The following TIPIN variants were observed in gnomAD, a reference collection of about 807,000 sequenced individuals.
TIPIN encodes the protein TIMELESS interacting protein.
In TIPIN, 29 loss-of-function variants were observed where a neutral mutation model predicts 35.6. The observed-to-expected ratio is 0.82, with a 90% confidence interval of 0.61 to 1.11. The LOEUF is 1.11. TIPIN is among the 50% of genes most tolerant of loss of function. The pLI is 0.00. For synonymous variants in TIPIN, 102 were observed against 121.5 expected (o/e 0.84, Z 1.06); for missense variants, 296 against 345.4 (o/e 0.86, Z 1.13).
At chr15:66,379,437 A>C (rs1053866113) in intron 1 of TIPIN, 28 of 1,604,114 alleles carry the variant, frequency 1.7e-5, no homozygotes, top group Non-Finnish European at 2.3e-5. Flanking sequence ...TTGCTGAATC[A>C]AAGCCGCTGA....
upstream of TIPIN, chr15:66,356,861 G>A: frequency 6.1e-6 from 2 of 328,430 alleles, no homozygotes; most frequent in Non-Finnish European, 8.7e-6. Context: ...TTCTTCAGAG[G>A]AACTCAGTTA....
At chr15:66,356,959 C>T (rs183166859), upstream of TIPIN, among the ~76,000 whole-genome samples, 62 of 151,962 alleles carry the variant, frequency 4.1e-4, no homozygotes, top group East Asian at 7.2e-3. Context: ...CTCTATCACT[C>T]AGGCTGGAGA....
At chr15:66,380,698 C>T (rs111833883) in intron 1 of TIPIN, among the ~76,000 whole-genome samples, 1 of 151,608 alleles carries the variant, frequency 6.6e-6, no homozygotes, top group African/African-American at 2.4e-5. Context: ...GCCTGTAATG[C>T]CAGCTACTCA....
intron 1 of TIPIN, among the ~76,000 whole-genome samples, chr15:66,385,430 T>C (rs1350729268): frequency 1.3e-5 from 2 of 152,232 alleles, no homozygotes; most frequent in African/African-American, 2.4e-5. Flanking sequence ...GTGCCTCTTA[T>C]TAAGCTCTTT....
chr15:66,357,489 G>A (rs921425033), upstream of TIPIN, among the ~76,000 whole-genome samples: 1 of 151,358 alleles, frequency 6.6e-6, no homozygotes, highest in Non-Finnish European at 1.5e-5. Flanking sequence ...GGGAGGCCCA[G>A]GCAGGCGAAT....
chr15:66,383,160 A>G (rs1392079515), intron 1 of TIPIN, among the ~76,000 whole-genome samples: 3 of 152,216 alleles, frequency 2.0e-5, no homozygotes, highest in Non-Finnish European at 2.9e-5. Flanking sequence ...GAAAATTTCA[A>G]TTAATTGCTC....
chr15:66,344,160 T>C (rs2093107134), intron 6 of TIPIN, among the ~76,000 whole-genome samples: 1 of 152,140 alleles, frequency 6.6e-6, no homozygotes, highest in Non-Finnish European at 1.5e-5. Context: ...TACAGTGGTA[T>C]GATCATAGCT....
chr15:66,377,131 G>A (rs2093299979), intron 1 of TIPIN, among the ~76,000 whole-genome samples: 2 of 145,000 alleles, frequency 1.4e-5, no homozygotes, highest in Non-Finnish European at 3.0e-5. Flanking sequence ...AAAAAAGAGA[G>A]TGCAGCAATT....
chr15:66,361,256 T>C (rs1206591488), upstream of TIPIN, among the ~76,000 whole-genome samples: 1 of 146,782 alleles, frequency 6.8e-6, no homozygotes, highest in Non-Finnish European at 1.5e-5. Flanking sequence ...CTTTCTATTG[T>C]AATTTTTTTT....
upstream of TIPIN, among the ~76,000 whole-genome samples, chr15:66,358,782 A>G (rs946714952): frequency 7.2e-5 from 11 of 152,162 alleles, no homozygotes; most frequent in African/African-American, 2.2e-4. Flanking sequence ...AGTGGCTCAC[A>G]CCTGTAATCC....
At chr15:66,359,950 T>A (rs2093223955), upstream of TIPIN, among the ~76,000 whole-genome samples, 1 of 152,106 alleles carries the variant, frequency 6.6e-6, no homozygotes, top group Admixed American at 6.6e-5. Context: ...TTTGATCACC[T>A]GAGTTGGAGT....
chr15:66,355,994 C>T (rs190880502), intron 1 of TIPIN, among the ~76,000 whole-genome samples: 8 of 152,226 alleles, frequency 5.3e-5, no homozygotes, highest in Admixed American at 3.9e-4. Flanking sequence ...TTTTACTCCT[C>T]GTCAATGGTC....
chr15:66,366,881 A>G (rs2093257101), intron 1 of TIPIN: 21 of 985,150 alleles, frequency 2.1e-5, no homozygotes, highest in Non-Finnish European at 2.5e-5. Flanking sequence ...GGCAACAGTA[A>G]TAAAATTGGA....
intron 1 of TIPIN, among the ~76,000 whole-genome samples, chr15:66,364,727 G>A (rs995439616): frequency 1.3e-5 from 2 of 152,018 alleles, no homozygotes; most frequent in African/African-American, 4.8e-5. Flanking sequence ...AGCACTTTGG[G>A]AGGCCGAGGC....
chr15:66,352,266 A>G, intron 2 of TIPIN, 59 bp from the exon 3 acceptor site: 2 of 1,319,984 alleles, frequency 1.5e-6, no homozygotes, highest in Admixed American at 4.4e-5. Context: ...ATTATTTATT[A>G]TGTATCATTT....
At chr15:66,343,124 T>C (rs1455157063) in intron 6 of TIPIN, among the ~76,000 whole-genome samples, 1 of 152,190 alleles carries the variant, frequency 6.6e-6, no homozygotes, top group East Asian at 1.9e-4. Context: ...AATAAACTGA[T>C]GGATTTCATC....
intron 1 of TIPIN, among the ~76,000 whole-genome samples, chr15:66,372,330 A>T (rs1481118075): frequency 6.6e-6 from 1 of 152,172 alleles, no homozygotes; most frequent in Non-Finnish European, 1.5e-5. Context: ...AAATAATATT[A>T]CTTTCTTGTG....
At chr15:66,349,945 G>A (rs531858080) in intron 4 of TIPIN, among the ~76,000 whole-genome samples, 2 of 97,366 alleles carry the variant, frequency 2.1e-5, no homozygotes, top group Admixed American at 1.1e-4. Context: ...GGATACAGGG[G>A]TTTTTTTTGT....
chr15:66,337,065 C>A lies in TIPIN; in HGVS notation c.799G>T (p.Ala267Ser), dbSNP rs3759786. Residue 267 changes from alanine to serine, a missense_variant, in exon 8 of 8, where the codon GCT becomes TCT. Transcript: ENST00000261881. The stretch of plus-strand genomic sequence containing the variant: ...TCTTCATTTAAAGTATTGGCAATAG[C>A]ATCATTACATGGATTGTCCAGAATG... Reference protein sequence around the residue: ...EDILDNPCNDAIANTLNEEET... With the variant: ...EDILDNPCNDSIANTLNEEET... The A allele has an allele frequency of 0.14, 219,389 of 1,613,956 alleles. 15,863 individuals are homozygous for A. The highest frequency in any genetic ancestry group is 0.15 in the Non-Finnish European group (177,016 of 1,179,936).
Sources: allele counts gnomAD v4.1 joint callset (sites outside exome capture counted in the v4.1 genomes callset), GRCh38; gene constraint gnomAD v4.1.1; transcripts MANE v1.5; gene names NCBI Gene and HGNC (gene_info 2026-07-23, HGNC 2026-07-21).